The following CNTN5 variants were observed in gnomAD, a reference collection of about 807,000 sequenced individuals.
CNTN5 encodes the protein contactin 5.
A neutral mutation model predicts 129.1 loss-of-function variants in CNTN5; 77 were observed. The ratio of observed to expected loss-of-function variants is 0.60; its 90% CI spans 0.50 to 0.72. The LOEUF is 0.72. Ranked by LOEUF, CNTN5 falls within the 30% of genes least tolerant of loss-of-function variation. The probability of loss-of-function intolerance (pLI) is 0.00; values close to 1 mark genes in which losing one functional copy is unlikely to be tolerated. For synonymous variants in CNTN5, 509 were observed against 465.6 expected (o/e 1.09, Z -1.20); for missense variants, 1,478 against 1,328.8 (o/e 1.11, Z -1.75).
chr11:100,329,957 A>C (rs1393106809), intron 21 of CNTN5, among the ~76,000 whole-genome samples: 2 of 152,214 alleles, frequency 1.3e-5, no homozygotes. Context: ...GCTCACCAGC[A>C]ATGGATCCAA....
chr11:99,953,063 A>G (rs796256754), intron 7 of CNTN5, among the ~76,000 whole-genome samples: 8 of 152,328 alleles, frequency 5.3e-5, no homozygotes, highest in African/African-American at 1.9e-4. Context: ...ACATGTAGTT[A>G]TATTAAAGAA....
Position 99,796,642 on chromosome 11 carries a change from C to T in CNTN5, c.56-22902C>T, listed in dbSNP as rs139278510. Reference sequence around the variant, plus strand: ...TGAAACTCCAGGTGAGGCCAGCAGACAGGGGGCTGCTCTGGTAGAACTGGT... The same window carrying T: ...TGAAACTCCAGGTGAGGCCAGCAGATAGGGGGCTGCTCTGGTAGAACTGGT... On this transcript the variant is annotated intron_variant, in intron 3 of 24. Coordinates refer to ENST00000524871, the MANE Select transcript of CNTN5 (RefSeq NM_014361.4). Among the ~76,000 whole-genome samples the T allele has an allele frequency of 1.2e-3, 186 of 151,658 alleles. 2 individuals carry two copies. Among genetic ancestry groups the T allele is most frequent in the African/African-American group, 4.2e-3 (173 of 41,256 alleles).
At chr11:99,771,385 T>C (rs1944940335) in intron 3 of CNTN5, among the ~76,000 whole-genome samples, 1 of 152,006 alleles carries the variant, frequency 6.6e-6, no homozygotes, top group East Asian at 1.9e-4. Context: ...TGTACATACA[T>C]ACATATACAC....
intron 2 of CNTN5, among the ~76,000 whole-genome samples, chr11:99,384,370 A>G (rs1940790700): frequency 6.6e-6 from 1 of 152,226 alleles, no homozygotes; most frequent in Non-Finnish European, 1.5e-5. Context: ...CTGTAATATA[A>G]TAATAGTTTT....
intron 1 of CNTN5, among the ~76,000 whole-genome samples, chr11:99,052,055 TA>T (rs1864447339): frequency 6.6e-6 from 1 of 151,892 alleles, no homozygotes; most frequent in Non-Finnish European, 1.5e-5. Context: ...CAAGAGTAGT[TA>T]TGCTAAGGCA....
At chr11:99,476,848 C>G (rs1018708589) in intron 2 of CNTN5, among the ~76,000 whole-genome samples, 1 of 152,226 alleles carries the variant, frequency 6.6e-6, no homozygotes, top group African/African-American at 2.4e-5. Context: ...CCTCAACCAA[C>G]AAGTGAATGG....
Position 99,892,133 on chromosome 11 carries a change from A to C in CNTN5, c.578-23921A>C, listed in dbSNP as rs905056420. Among the ~76,000 whole-genome samples, 54 of 152,158 alleles carry C rather than the reference A, an allele frequency of 3.5e-4. 1 individual carries two copies. Among genetic ancestry groups the C allele is most frequent in the Admixed American group, 9.8e-4 (15 of 15,276 alleles). On this transcript the variant is annotated intron_variant, in intron 6 of 24. Transcript: ENST00000524871. ...GCCACATAAATATCTTCTCTTGACA[A>C]GTATCTGTTCATATCCTTCGCCCAC...
At chr11:99,924,763 T>C (rs7115696) in intron 7 of CNTN5, among the ~76,000 whole-genome samples, 1 of 151,832 alleles carries the variant, frequency 6.6e-6, no homozygotes, top group African/African-American at 2.4e-5. Flanking sequence ...AAATTTAATA[T>C]TTTATATGCT....
intron 1 of CNTN5, among the ~76,000 whole-genome samples, chr11:99,168,042 T>TC (rs1049442474): frequency 3.3e-5 from 5 of 151,738 alleles, no homozygotes; most frequent in Non-Finnish European, 7.4e-5. Flanking sequence ...CTCAAAGGAT[T>TC]CCCCCCACTG....
chr11:99,216,556 G>T (rs1860126448), intron 1 of CNTN5, among the ~76,000 whole-genome samples: 1 of 151,920 alleles, frequency 6.6e-6, no homozygotes, highest in Non-Finnish European at 1.5e-5. Flanking sequence ...TCATATGCTG[G>T]ATAATATAAT....
At chr11:99,466,946 G>A (rs1183817184) in intron 2 of CNTN5, among the ~76,000 whole-genome samples, 1 of 152,106 alleles carries the variant, frequency 6.6e-6, no homozygotes, top group Non-Finnish European at 1.5e-5. Flanking sequence ...GGAGAAATGG[G>A]AGATACAGAT....
At chr11:99,526,871 T>C (rs1947507211) in intron 2 of CNTN5, among the ~76,000 whole-genome samples, 1 of 152,230 alleles carries the variant, frequency 6.6e-6, no homozygotes, top group South Asian at 2.1e-4. Context: ...GCTGCTAGAA[T>C]TGCTTTCCAA....
intron 16 of CNTN5, among the ~76,000 whole-genome samples, chr11:100,248,282 C>T (rs1267990323): frequency 1.3e-5 from 2 of 152,114 alleles, no homozygotes; most frequent in African/African-American, 2.4e-5. Context: ...TAGGGTGGCT[C>T]GTGCCTGTAA....
intron 1 of CNTN5, among the ~76,000 whole-genome samples, chr11:99,090,349 G>A (rs1219011109): frequency 6.6e-6 from 1 of 152,072 alleles, no homozygotes; most frequent in African/African-American, 2.4e-5. Context: ...GGCAGTAAAA[G>A]GCACAGAAGC....
At chr11:100,257,187 G>C (rs1218747798) in intron 17 of CNTN5, among the ~76,000 whole-genome samples, 1 of 152,164 alleles carries the variant, frequency 6.6e-6, no homozygotes, top group Non-Finnish European at 1.5e-5. Flanking sequence ...GCAATGGGCA[G>C]AGCCCACCGC....
chr11:99,465,243 A>T (rs986240586), intron 2 of CNTN5, among the ~76,000 whole-genome samples: 1 of 152,144 alleles, frequency 6.6e-6, no homozygotes, highest in Non-Finnish European at 1.5e-5. Flanking sequence ...TGTGTTCTTC[A>T]GTTGATTTAG....
At chr11:99,503,657 TG>T (rs1946507849) in intron 2 of CNTN5, among the ~76,000 whole-genome samples, 1 of 152,206 alleles carries the variant, frequency 6.6e-6, no homozygotes, top group Non-Finnish European at 1.5e-5. Context: ...TCTTTTATTT[TG>T]TCATCCGCAG....
At chr11:99,759,642 G>A (rs1243835767) in intron 3 of CNTN5, among the ~76,000 whole-genome samples, 3 of 150,610 alleles carry the variant, frequency 2.0e-5, no homozygotes, top group Non-Finnish European at 4.4e-5. Context: ...GATGACGAAT[G>A]CTAGGGAGGG....
Position 100,286,044 on chromosome 11 carries a change from C to G in CNTN5, c.2315-11581C>G, listed in dbSNP as rs569323796. ...CTCCCACCCTAATACTGCGCTTTTC[C>G]GATAGGCTTAAAAAACGGCCCAACA... On this transcript the variant is annotated intron_variant, in intron 18 of 24. Coordinates refer to ENST00000524871, the MANE Select transcript of CNTN5 (RefSeq NM_014361.4). Among the ~76,000 whole-genome samples, 297 of 152,302 alleles carry G rather than the reference C, an allele frequency of 2.0e-3. 1 individual carries two copies. The highest frequency in any genetic ancestry group is 2.7e-3 in the Non-Finnish European group (186 of 68,036).
Sources: gnomAD v4.1 joint callset for allele counts (sites outside exome capture counted in the v4.1 genomes callset) on GRCh38, gnomAD v4.1.1 for gene constraint, MANE v1.5 for transcripts, NCBI Gene and HGNC (gene_info 2026-07-23, HGNC 2026-07-21) for gene names.